Variants in PBK observed in about 807,000 individuals in gnomAD.
PBK encodes the protein PDZ binding kinase.
Under a neutral mutation model 33.5 loss-of-function variants are expected in PBK, and 22 were observed. The observed-to-expected ratio is 0.66, with a 90% CI of 0.47 to 0.94. PBK has a LOEUF of 0.94. PBK is among the 40% of genes least tolerant of loss of function. The pLI, the probability that PBK is intolerant of heterozygous loss-of-function variation, is 0.00. For missense variants in PBK, 376 were observed against 383.4 expected (o/e 0.98, Z 0.16); for synonymous variants, 129 against 123.8 (o/e 1.04, Z -0.28).
chr8:27,835,481 A>C, intron 1 of PBK, among the ~76,000 whole-genome samples: 1 of 150,718 alleles, frequency 6.6e-6, no homozygotes, highest in Admixed American at 6.6e-5. Context: ...TGTCATTCTG[A>C]CTCCCCTTCT....
In PBK at chr8:27,809,786, G is replaced by A. The variant is rs1222668152; in HGVS notation, c.*519C>T. 6.6e-6 allele frequency: 1 copy of A among 152,330 alleles called. No homozygotes were observed. Among genetic ancestry groups the A allele is most frequent in the Non-Finnish European group, 1.5e-5 (1 of 68,182 alleles). The allele number at this position is 152,330 out of a possible 1,614,324, so 9.4% of individuals were successfully genotyped here. A position where few individuals can be genotyped will look rare whatever the true frequency, so the allele number is the denominator to read the frequency against. On this transcript the variant is annotated 3_prime_UTR_variant, in exon 8 of 8. Transcript: ENST00000301905. ...ACCAAAGATCTGAGGAGATCCAAGA[G>A]ATCAAGACAATCTGTAACCAGAGTC... is the stretch of plus-strand genomic sequence containing the variant.
chr8:27,817,551 G>GTT (rs1554560035), intron 6 of PBK, among the ~76,000 whole-genome samples: 1 of 148,298 alleles, frequency 6.7e-6, no homozygotes, highest in African/African-American at 2.5e-5. Flanking sequence ...TTTTAACCCT[G>GTT]TTTTTTTTTT....
intron 4 of PBK, among the ~76,000 whole-genome samples, chr8:27,822,815 A>C (rs571920501): frequency 2.4e-4 from 36 of 152,288 alleles, no homozygotes; most frequent in African/African-American, 7.9e-4. Context: ...ATCATTTTAT[A>C]TTCTTAAAAT....
intron 5 of PBK, 106 bp downstream of exon 5, chr8:27,822,213 A>G (rs896129878): frequency 1.2e-6 from 1 of 832,360 alleles, no homozygotes; most frequent in Non-Finnish European, 1.9e-6. Context: ...GGAACTGACA[A>G]GTAACAATAT....
chr8:27,836,387 A>C (rs144394304), intron 1 of PBK, among the ~76,000 whole-genome samples: 3 of 152,050 alleles, frequency 2.0e-5, no homozygotes, highest in African/African-American at 7.2e-5. Flanking sequence ...GCTTGTACTG[A>C]GAAACAGAAA....
chr8:27,811,126 G>C lies in PBK; in HGVS notation c.604C>G (p.Pro202Ala). The change falls in exon 7 of 8, where the codon CCT becomes GCT. Residue 202 changes from proline to alanine, a missense_variant. By Grantham distance (27) the Pro-to-Ala change is conservative. Coordinates refer to ENST00000301905, the MANE Select transcript of PBK (RefSeq NM_018492.4). ...PLDENMTVTD[P>A]EACYIGTEPW... ...TCTGTGCCAATGTAACAAGCCTCAGGGTCAGTCACTGAAACAAGCAAGATG... is the reference window on the plus strand; with the variant it reads ...TCTGTGCCAATGTAACAAGCCTCAGCGTCAGTCACTGAAACAAGCAAGATG... 2 of 1,613,816 alleles carry C rather than the reference G, an allele frequency of 1.2e-6. No homozygotes were observed. The highest frequency in any genetic ancestry group is 1.7e-6 in the Non-Finnish European group (2 of 1,179,822).
chr8:27,810,157 A>T lies in PBK; in HGVS notation c.*148T>A. 1 of 618,478 alleles carries T rather than the reference A, an allele frequency of 1.6e-6. No homozygotes were observed. Among genetic ancestry groups the T allele is most frequent in the Non-Finnish European group, 2.8e-6 (1 of 352,358 alleles). 38.3% of individuals were successfully genotyped at this position (618,478 alleles called of 1,614,324 possible). A position where few individuals can be genotyped will look rare whatever the true frequency, so the allele number is the denominator to read the frequency against. Reference sequence around the variant, plus strand: ...CTTATAGCCAATATAAGCATATTTCATATTAGAAATAGTTATCCATATGTT... The same window carrying T: ...CTTATAGCCAATATAAGCATATTTCTTATTAGAAATAGTTATCCATATGTT... On this transcript the variant is annotated 3_prime_UTR_variant, in exon 8 of 8. Coordinates refer to ENST00000301905, the MANE Select transcript of PBK (RefSeq NM_018492.4).
At chr8:27,815,973 T>A (rs17388536) in intron 6 of PBK, among the ~76,000 whole-genome samples, 11,769 of 152,246 alleles carry the variant, frequency 0.077, 647 homozygotes, top group South Asian at 0.15. Flanking sequence ...ATACTTTATT[T>A]CCCTTTACTA....
rs111702062 is a variant in PBK, at chr8:27,834,941, T to G, written c.-20-1808A>C. Among the ~76,000 whole-genome samples, 1,509 of 152,068 alleles carry G rather than the reference T, an allele frequency of 9.9e-3. 21 individuals are homozygous for G. Among genetic ancestry groups the G allele is most frequent in the African/African-American group, 0.034 (1,400 of 41,510 alleles). On this transcript the variant is annotated intron_variant, in intron 1 of 7. Coordinates refer to ENST00000301905, the MANE Select transcript of PBK (RefSeq NM_018492.4). ...GAAAAGAAAATGTACATACCACATA[T>G]ATAAACAAAGCAACTCAATGTGTTT...
chr8:27,831,821 G>A (rs1029218751), intron 2 of PBK, among the ~76,000 whole-genome samples: 10 of 152,048 alleles, frequency 6.6e-5, no homozygotes, highest in African/African-American at 2.4e-4. Context: ...AAGAAAATAA[G>A]AGATCACTTG....
chr8:27,837,565 A>T (rs2128966708), intron 1 of PBK, 87 bp downstream of exon 1: 1 of 152,180 alleles, frequency 6.6e-6, no homozygotes, highest in East Asian at 1.9e-4. Context: ...CTGTAACCAG[A>T]TCCTCCCCTG....
intron 6 of PBK, 88 bp from the exon 7 acceptor site, chr8:27,811,222 C>G (rs1192754650): frequency 4.5e-6 from 5 of 1,103,132 alleles, no homozygotes; most frequent in African/African-American, 3.1e-5. Flanking sequence ...ACGATTTGAA[C>G]AAGTAGTTCA....
chr8:27,815,697 G>T (rs1383299211), intron 6 of PBK, among the ~76,000 whole-genome samples: 1 of 152,188 alleles, frequency 6.6e-6, no homozygotes, highest in Non-Finnish European at 1.5e-5. Flanking sequence ...AGAACTCTGG[G>T]TCTAAAATAA....
At chr8:27,835,246 T>C (rs1197668665) in intron 1 of PBK, among the ~76,000 whole-genome samples, 1 of 152,170 alleles carries the variant, frequency 6.6e-6, no homozygotes, top group Non-Finnish European at 1.5e-5. Context: ...TTGTTTAAAA[T>C]GTAGCTACAA....
chr8:27,809,781 C>G lies in PBK; in HGVS notation c.*524G>C, dbSNP rs1805632117. 6.6e-6 allele frequency: 1 copy of G among 152,104 alleles called. No homozygotes were observed. Among genetic ancestry groups the G allele is most frequent in the Non-Finnish European group, 1.5e-5 (1 of 68,088 alleles). 9.4% of individuals were successfully genotyped at this position (152,104 alleles called of 1,614,324 possible). ...CAAAAACCAAAGATCTGAGGAGATCCAAGAGATCAAGACAATCTGTAACCA... is the reference window on the plus strand; with the variant it reads ...CAAAAACCAAAGATCTGAGGAGATCGAAGAGATCAAGACAATCTGTAACCA... On this transcript the variant is annotated 3_prime_UTR_variant, in exon 8 of 8. Coordinates refer to ENST00000301905, the MANE Select transcript of PBK (RefSeq NM_018492.4).
chr8:27,812,774 C>G (rs1689814094), intron 6 of PBK: 1 of 152,198 alleles, frequency 6.6e-6, no homozygotes, highest in South Asian at 2.1e-4. Context: ...AATGAGATAC[C>G]ATCTCATGCC....
At position 27,816,357 on chromosome 8, in the gene PBK, ATTTATT is replaced by A. The variant is rs1429548947; in HGVS notation, c.595+4202_595+4207del. Among the ~76,000 whole-genome samples, 648 of 132,508 alleles carry A rather than the reference ATTTATT, an allele frequency of 4.9e-3. 21 individuals are homozygous for A. The East Asian group carries it at 0.1, about 21-fold the overall frequency. 86.9% of individuals were successfully genotyped at this position (132,508 alleles called of 152,430 possible). A position where few individuals can be genotyped will look rare whatever the true frequency, so the allele number is the denominator to read the frequency against. On this transcript the variant is annotated intron_variant, in intron 6 of 7. Coordinates refer to ENST00000301905, the MANE Select transcript of PBK (RefSeq NM_018492.4). ...TTCATCGAATACTATATATATATAT[ATTTATT>A]TATTTATTTATTTATTTTAATTTAT... is the stretch of plus-strand genomic sequence containing the variant.
rs1293829021 is a variant in PBK, at chr8:27,810,426, A to G, written c.848T>C (p.Met283Thr). Residue 283 changes from methionine (M) to threonine (T), a missense_variant, in exon 8 of 8, where the codon ATG (methionine) becomes ACG (threonine). By Grantham distance (81) the Met-to-Thr change is moderately conservative. Transcript: ENST00000301905. ...CTGGTATGATTCATCCAGTTCTTCCATATTAATAGGTGGCCTAGTTCCCAA... is the reference window on the plus strand; with the variant it reads ...CTGGTATGATTCATCCAGTTCTTCCGTATTAATAGGTGGCCTAGTTCCCAA... ...AALGTRPPINMEELDESYQKV... is the reference protein window; with the variant it reads ...AALGTRPPINTEELDESYQKV... 1.2e-6 allele frequency: 2 copies of G among 1,607,656 alleles called. No homozygotes were observed. The highest frequency in any genetic ancestry group is 2.2e-5 in the East Asian group (1 of 44,846).
chr8:27,828,704 G>A (rs1278815603), intron 2 of PBK, among the ~76,000 whole-genome samples: 1 of 139,782 alleles, frequency 7.2e-6, no homozygotes, highest in Admixed American at 7.5e-5. Context: ...CAGGTGCAGT[G>A]AGCTGTGTTC....
Sources: allele counts gnomAD v4.1 joint callset (sites outside exome capture counted in the v4.1 genomes callset), GRCh38; gene constraint gnomAD v4.1.1; transcripts MANE v1.5; gene names NCBI Gene and HGNC (gene_info 2026-07-23, HGNC 2026-07-21).